The following PLCH1 variants were observed in gnomAD, a reference collection of about 807,000 sequenced individuals.
The protein encoded by PLCH1 is phospholipase C eta 1, also known as 1-phosphatidylinositol 4,5-bisphosphate phosphodiesterase eta-1.
Under a neutral mutation model 126.7 loss-of-function variants are expected in PLCH1, and 60 were observed. The observed-to-expected ratio is 0.47, with a 90% CI of 0.38 to 0.59. PLCH1 has a LOEUF of 0.59. Ranked by LOEUF, PLCH1 falls within the 20% of genes least tolerant of loss-of-function variation. PLCH1 has a pLI of 0.00. For synonymous variants in PLCH1, 719 were observed against 734.9 expected (o/e 0.98, Z 0.35); for missense variants, 1,723 against 2,040.0 (o/e 0.84, Z 2.99).
chr3:155,545,647 C>T (rs1444946113), intron 10 of PLCH1, among the ~76,000 whole-genome samples: 1 of 152,162 alleles, frequency 6.6e-6, no homozygotes, highest in Non-Finnish European at 1.5e-5. Flanking sequence ...CAATAAAATA[C>T]TGGCAAACCG....
At chr3:155,499,801 T>C (rs1717611305) in intron 14 of PLCH1, among the ~76,000 whole-genome samples, 1 of 152,214 alleles carries the variant, frequency 6.6e-6, no homozygotes, top group Non-Finnish European at 1.5e-5. Context: ...ATTTTCTCTT[T>C]ATCCTTTACT....
At chr3:155,735,123 A>G (rs560109897) in intron 1 of PLCH1, among the ~76,000 whole-genome samples, 1 of 152,204 alleles carries the variant, frequency 6.6e-6, no homozygotes, top group Non-Finnish European at 1.5e-5. Context: ...CAGAAAGACA[A>G]ATACCACATG....
intron 2 of PLCH1, among the ~76,000 whole-genome samples, chr3:155,694,183 T>C (rs1401150349): frequency 6.6e-6 from 1 of 152,174 alleles, no homozygotes; most frequent in African/African-American, 2.4e-5. Flanking sequence ...GGTCATATTG[T>C]AGGTGGGTTT....
chr3:155,534,861 A>C (rs1158031213), intron 10 of PLCH1, among the ~76,000 whole-genome samples: 2 of 152,140 alleles, frequency 1.3e-5, no homozygotes, highest in African/African-American at 4.8e-5. Flanking sequence ...CTTGTGAAGA[A>C]GGTGCCTGCT....
At chr3:155,598,184 C>CA (rs201681402) in intron 2 of PLCH1, among the ~76,000 whole-genome samples, 5,564 of 141,058 alleles carry the variant, frequency 0.039, 124 homozygotes, top group Middle Eastern at 0.11. Flanking sequence ...AACTTTGCCT[C>CA]AAAAAAAAAA....
At chr3:155,464,811 A>G (rs1385651721) in intron 21 of PLCH1, among the ~76,000 whole-genome samples, 1 of 152,166 alleles carries the variant, frequency 6.6e-6, no homozygotes, top group Non-Finnish European at 1.5e-5. Flanking sequence ...GTAGAATAAT[A>G]CTACATGTAA....
chr3:155,722,346 G>A (rs1262712950), intron 1 of PLCH1, among the ~76,000 whole-genome samples: 1 of 152,040 alleles, frequency 6.6e-6, no homozygotes, highest in African/African-American at 2.4e-5. Context: ...ATTTTCAGTA[G>A]AGACGGGATT....
chr3:155,718,516 G>A (rs915916238), intron 1 of PLCH1, among the ~76,000 whole-genome samples: 1 of 152,144 alleles, frequency 6.6e-6, no homozygotes, highest in African/African-American at 2.4e-5. Flanking sequence ...ATTGGCTATG[G>A]TTCTGAAGGA....
chr3:155,530,080 A>G (rs959820479), intron 10 of PLCH1, among the ~76,000 whole-genome samples: 1 of 152,034 alleles, frequency 6.6e-6, no homozygotes, highest in African/African-American at 2.4e-5. Context: ...ACAAAAACTA[A>G]GTTTGCTCCA....
rs769493857 is a variant in PLCH1 at position 155,481,975 on chromosome 3, G to A, written c.4051C>T (p.Leu1351Phe). Residue 1351 changes from leucine to phenylalanine, a missense_variant, in exon 23 of 23, where the codon CTT (leucine) becomes TTT (phenylalanine). Transcript: ENST00000460012. This position sits in a 1 kb window ranked among gnomAD's most constrained non-coding sequence, Gnocchi z 4.2. ...TLCFNSGESS[L>F]VEIDGESENL... Reference sequence around the variant, plus strand: ...TCTGATTCTCCATCAATTTCCACAAGGCTGCTCTCCCCAGAATTGAAACAG... The same window carrying A: ...TCTGATTCTCCATCAATTTCCACAAAGCTGCTCTCCCCAGAATTGAAACAG... The A allele has an allele frequency of 8.1e-6, 13 of 1,614,000 alleles. No individual in the cohort carries two copies. The highest frequency in any genetic ancestry group is 1.7e-5 in the Admixed American group (1 of 59,998).
intron 2 of PLCH1, among the ~76,000 whole-genome samples, chr3:155,631,461 C>T (rs1738011861): frequency 6.6e-6 from 1 of 152,212 alleles, no homozygotes. Context: ...GACTCCGGCT[C>T]TCCCAGACGT....
intron 2 of PLCH1, among the ~76,000 whole-genome samples, chr3:155,697,387 C>T (rs887359929): frequency 4.6e-5 from 7 of 152,198 alleles, no homozygotes; most frequent in Admixed American, 3.9e-4. Flanking sequence ...TTACCTGAGC[C>T]GCTGTTAGGC....
intron 2 of PLCH1, among the ~76,000 whole-genome samples, chr3:155,666,202 A>C (rs1742704587): frequency 6.6e-6 from 1 of 152,276 alleles, no homozygotes; most frequent in South Asian, 2.1e-4. Flanking sequence ...TTCTACTGTC[A>C]AATTGCCCTC....
intron 2 of PLCH1, among the ~76,000 whole-genome samples, chr3:155,604,111 C>A (rs1435596435): frequency 1.3e-5 from 2 of 151,820 alleles, no homozygotes; most frequent in Non-Finnish European, 1.5e-5. Context: ...ATCAATCAAT[C>A]AATAAAATAT....
chr3:155,727,801 C>T (rs1374235588), intron 1 of PLCH1, among the ~76,000 whole-genome samples: 1 of 150,048 alleles, frequency 6.7e-6, no homozygotes, highest in Non-Finnish European at 1.5e-5. Context: ...CACAAATTCT[C>T]AGGACCAAGA....
At chr3:155,551,738 G>A (rs1321189728) in intron 9 of PLCH1, among the ~76,000 whole-genome samples, 1 of 149,814 alleles carries the variant, frequency 6.7e-6, no homozygotes, top group African/African-American at 2.5e-5. Context: ...TTAGTGCCAA[G>A]GTTGAGAAAC....
At chr3:155,616,403 T>A (rs1422361101) in intron 2 of PLCH1, among the ~76,000 whole-genome samples, 1 of 152,172 alleles carries the variant, frequency 6.6e-6, no homozygotes, top group Non-Finnish European at 1.5e-5. Flanking sequence ...CATCATTTAG[T>A]TTTTCCATAA....
downstream of PLCH1, among the ~76,000 whole-genome samples, chr3:155,478,083 G>A (rs148238048): frequency 2.7e-4 from 41 of 152,128 alleles, no homozygotes; most frequent in Middle Eastern, 3.4e-3. Flanking sequence ...GAATGAGATC[G>A]TCATTTACAA....
intron 2 of PLCH1, among the ~76,000 whole-genome samples, chr3:155,662,596 AC>A (rs1273762879): frequency 9.2e-5 from 14 of 152,084 alleles, no homozygotes; most frequent in African/African-American, 3.1e-4. Context: ...GCAACCAAAT[AC>A]CCCCAGCCCC....
Sources: gnomAD v4.1 joint callset for allele counts (sites outside exome capture counted in the v4.1 genomes callset) on GRCh38, gnomAD v4.1.1 for gene constraint, Gnocchi (gnomAD v3.1) non-coding constraint, MANE v1.5 for transcripts, NCBI Gene and HGNC (gene_info 2026-07-23, HGNC 2026-07-21) for gene names.